The following DMD variants were observed in gnomAD, a reference collection of about 807,000 sequenced individuals.
DMD encodes the protein dystrophin, also known as mutant dystrophin.
DMD carries 63 observed loss-of-function variants against 330.1 expected under a neutral mutation model. The observed-to-expected ratio is 0.19, with a 90% CI of 0.16 to 0.24. DMD has a LOEUF of 0.24. Ranked by LOEUF, DMD falls within the 10% of genes least tolerant of loss-of-function variation. The pLI, the probability that DMD is intolerant of heterozygous loss-of-function variation, is 1.00. For missense variants in DMD, 3,344 were observed against 2,684.1 expected, an observed-to-expected ratio of 1.25 and a Z score of -5.43; for synonymous variants, 1,223 against 959.8, an observed-to-expected ratio of 1.27 and a Z score of -5.07.
chrX:32,646,070 G>A (rs760788921), intron 9 of DMD, among the ~76,000 whole-genome samples: 4 of 111,596 alleles, frequency 3.6e-5, no homozygotes, highest in Non-Finnish European at 7.5e-5. Context: ...AGGCTGGAGC[G>A]CTCTGCGTGG....
In DMD at chrX:31,574,577, G is replaced by A. The variant is rs185001142; in HGVS notation, c.8217+53096C>T. On this transcript the variant is annotated intron_variant, in intron 55 of 78. Coordinates refer to ENST00000357033, the MANE Select transcript of DMD (RefSeq NM_004006.3). ...TCCACAAATACCCAGTGCTACCTGC[G>A]GACAGAGCTAGAAAAGTGCCCATAT... Among the ~76,000 whole-genome samples the A allele has an allele frequency of 2.5e-3, 278 of 111,723 alleles. 4 individuals are homozygous for A. The highest frequency in any genetic ancestry group is 8.4e-3 in the African/African-American group (259 of 30,756).
intron 1 of DMD, among the ~76,000 whole-genome samples, chrX:33,089,001 T>C (rs1258757351): frequency 9.1e-6 from 1 of 109,474 alleles, no homozygotes; most frequent in Non-Finnish European, 1.9e-5. Flanking sequence ...AATGTGAAGT[T>C]GGCGGGTTCA....
intron 7 of DMD, among the ~76,000 whole-genome samples, chrX:32,793,505 T>A (rs1428527896): frequency 9.3e-6 from 1 of 107,679 alleles, no homozygotes; most frequent in African/African-American, 3.5e-5. Flanking sequence ...GTTTGATTTT[T>A]AAAAAGATGA....
intron 1 of DMD, among the ~76,000 whole-genome samples, chrX:33,028,580 C>T (rs927332483): frequency 8.9e-6 from 1 of 112,024 alleles, no homozygotes; most frequent in Non-Finnish European, 1.9e-5. Context: ...AAATCATATG[C>T]TTTCTTGCTT....
At chrX:31,134,024 A>G in intron 77 of DMD, 78 bp downstream of exon 77, 1 of 916,867 alleles carries the variant, frequency 1.1e-6, no homozygotes. Context: ...CATATGGAAA[A>G]TACACACACC....
At chrX:32,843,947 C>A (rs1370975365) in intron 4 of DMD, among the ~76,000 whole-genome samples, 1 of 112,236 alleles carries the variant, frequency 8.9e-6, no homozygotes, top group African/African-American at 3.2e-5. Flanking sequence ...GCCATTCATA[C>A]CCCAAGTAAA....
chrX:32,970,503 G>A (rs1402518818), intron 2 of DMD, among the ~76,000 whole-genome samples: 1 of 92,679 alleles, frequency 1.1e-5, no homozygotes, highest in Admixed American at 1.1e-4. Context: ...ACATGGTGGC[G>A]CACACCTGTA....
intron 13 of DMD, among the ~76,000 whole-genome samples, chrX:32,585,362 A>C (rs1004586074): frequency 8.9e-6 from 1 of 112,279 alleles, no homozygotes; most frequent in Non-Finnish European, 1.9e-5. Context: ...CAATAAACTT[A>C]AAAATTTTTT....
intron 7 of DMD, among the ~76,000 whole-genome samples, chrX:32,735,882 A>G (rs1473288864): frequency 2.7e-5 from 3 of 112,028 alleles, no homozygotes; most frequent in Non-Finnish European, 5.6e-5. Context: ...TAAAACACCA[A>G]AAGCAATGGC....
At chrX:31,952,761 G>T (rs773496278) in intron 45 of DMD, among the ~76,000 whole-genome samples, 3 of 111,886 alleles carry the variant, frequency 2.7e-5, no homozygotes, top group Non-Finnish European at 5.6e-5. Flanking sequence ...ACAGTTGAAC[G>T]TATCGTAAAT....
At chrX:33,235,321 G>A (rs1322990506) in intron 1 of DMD, among the ~76,000 whole-genome samples, 1 of 111,616 alleles carries the variant, frequency 9.0e-6, no homozygotes. Context: ...CCTTCCTTCA[G>A]GGAAATTCCA....
chrX:32,816,208 T>C (rs2056412897), intron 6 of DMD, among the ~76,000 whole-genome samples: 1 of 111,695 alleles, frequency 9.0e-6, no homozygotes, highest in Non-Finnish European at 1.9e-5. Context: ...TCAAACATAT[T>C]GATACTCTCC....
At chrX:33,337,390 C>A (rs765130660) in intron 1 of DMD, among the ~76,000 whole-genome samples, 1 of 111,405 alleles carries the variant, frequency 9.0e-6, no homozygotes, top group African/African-American at 3.3e-5. Flanking sequence ...CACAAAATAA[C>A]CCTGTAGCAT....
intron 34 of DMD, among the ~76,000 whole-genome samples, chrX:32,377,642 A>C (rs1365885974): frequency 8.9e-6 from 1 of 111,768 alleles, no homozygotes; most frequent in Non-Finnish European, 1.9e-5. Flanking sequence ...CAGGAAAAAG[A>C]TACAGAAAAT....
chrX:32,092,631 T>C (rs2096482231), intron 44 of DMD, among the ~76,000 whole-genome samples: 1 of 109,465 alleles, frequency 9.1e-6, no homozygotes, highest in East Asian at 2.8e-4. Flanking sequence ...AGCTGAATAA[T>C]GTAATATATC....
intron 60 of DMD, among the ~76,000 whole-genome samples, chrX:31,387,512 G>T (rs769624214): frequency 1.8e-5 from 2 of 111,058 alleles, no homozygotes; most frequent in African/African-American, 6.5e-5. Context: ...TGACTCTCCT[G>T]CCTCAGCCTC....
intron 61 of DMD, among the ~76,000 whole-genome samples, chrX:31,335,911 C>A (rs1300029856): frequency 1.8e-5 from 2 of 112,195 alleles, no homozygotes; most frequent in Non-Finnish European, 3.8e-5. Flanking sequence ...AAGGTGAATG[C>A]AGACCCAGTG....
Position 32,940,972 on chromosome X carries a change from A to G in DMD, c.93+79167T>C, listed in dbSNP as rs140553716. ...AACTGAACAAGCAAAATACAACGCC[A>G]TCAAAAAACAGGCAAAGGGCATGAA... is the stretch of plus-strand genomic sequence containing the variant. On this transcript the variant is annotated intron_variant, in intron 2 of 78. Transcript: ENST00000357033. Among the ~76,000 whole-genome samples, 57 of 111,944 alleles carry G rather than the reference A, an allele frequency of 5.1e-4. 1 individual carries two copies. The East Asian group carries it at 5.6e-3, about 11-fold the overall frequency.
intron 55 of DMD, among the ~76,000 whole-genome samples, chrX:31,554,760 G>A (rs1442463128): frequency 1.8e-5 from 2 of 111,288 alleles, no homozygotes. Flanking sequence ...GTAGGTATAC[G>A]GAAGTACAAA....
Sources: allele counts gnomAD v4.1 joint callset (sites outside exome capture counted in the v4.1 genomes callset), GRCh38; gene constraint gnomAD v4.1.1; transcripts MANE v1.5; gene names NCBI Gene and HGNC (gene_info 2026-07-23, HGNC 2026-07-21).